The following CTNNA2 variants were observed in gnomAD, a reference collection of about 807,000 sequenced individuals.
The protein encoded by CTNNA2 is catenin alpha-2.
CTNNA2 carries 42 observed loss-of-function variants against 101.0 expected under a neutral mutation model. That is an observed-to-expected ratio of 0.42 (90% CI 0.32 to 0.54). The LOEUF is 0.54. Ranked by LOEUF, CTNNA2 falls within the 20% of genes least tolerant of loss-of-function variation. The pLI is 0.14. For missense variants in CTNNA2, 871 were observed against 1,223.1 expected, an observed-to-expected ratio of 0.71 and a Z score of 4.29; for synonymous variants, 450 against 456.4, an observed-to-expected ratio of 0.99 and a Z score of 0.18.
intron 2 of CTNNA2, among the ~76,000 whole-genome samples, chr2:79,246,331 G>T (rs957541586): frequency 3.9e-5 from 6 of 152,094 alleles, no homozygotes; most frequent in Non-Finnish European, 8.8e-5. Flanking sequence ...GCTACAAAAT[G>T]GTTTTTTATC....
At chr2:79,415,922 A>G (rs1678474522) in intron 4 of CTNNA2, among the ~76,000 whole-genome samples, 1 of 152,138 alleles carries the variant, frequency 6.6e-6, no homozygotes, top group South Asian at 2.1e-4. Context: ...ATATTGAGAT[A>G]TGACTTGCTT....
chr2:80,409,373 C>T (rs1265346479), intron 8 of CTNNA2, among the ~76,000 whole-genome samples: 5 of 152,066 alleles, frequency 3.3e-5, no homozygotes, highest in Admixed American at 3.3e-4. Flanking sequence ...TTTAGGCCAG[C>T]CTCCAATACA....
intron 2 of CTNNA2, among the ~76,000 whole-genome samples, chr2:79,695,129 T>TA (rs1684577763): frequency 6.6e-6 from 1 of 151,818 alleles, no homozygotes; most frequent in Middle Eastern, 3.4e-3. Flanking sequence ...TTTAGAATTT[T>TA]AAAAAACTGC....
intron 3 of CTNNA2, among the ~76,000 whole-genome samples, chr2:79,794,253 A>C (rs1209999875): frequency 6.6e-6 from 1 of 152,238 alleles, no homozygotes; most frequent in African/African-American, 2.4e-5. Context: ...ATGGTATTTC[A>C]TCATGGCTTT....
chr2:79,508,880 A>G (rs940440858), upstream of CTNNA2, among the ~76,000 whole-genome samples: 12 of 150,152 alleles, frequency 8.0e-5, no homozygotes, highest in Non-Finnish European at 1.6e-4. Context: ...AGCAAAAGAT[A>G]AAACAATTAC....
chr2:80,483,050 T>G (rs1157327518), intron 9 of CTNNA2, among the ~76,000 whole-genome samples: 1 of 152,162 alleles, frequency 6.6e-6, no homozygotes, highest in Non-Finnish European at 1.5e-5. Context: ...CTATCTCATT[T>G]TGGCTCACTG....
intron 4 of CTNNA2, among the ~76,000 whole-genome samples, chr2:79,428,083 A>G (rs1363702638): frequency 6.6e-6 from 1 of 152,040 alleles, no homozygotes; most frequent in African/African-American, 2.4e-5. Flanking sequence ...TTTTTATAAT[A>G]TATAAGGTTT....
intron 15 of CTNNA2, among the ~76,000 whole-genome samples, chr2:80,590,708 GT>G (rs919505421): frequency 6.6e-6 from 1 of 151,778 alleles, no homozygotes; most frequent in Admixed American, 6.6e-5. Flanking sequence ...TTTTAAAATT[GT>G]TTTTTTTACT....
chr2:80,449,953 G>A (rs774385175), intron 9 of CTNNA2, among the ~76,000 whole-genome samples: 3 of 152,178 alleles, frequency 2.0e-5, no homozygotes, highest in Non-Finnish European at 2.9e-5. Flanking sequence ...GTGAAATAAC[G>A]TGATTGTGGT....
intron 3 of CTNNA2, among the ~76,000 whole-genome samples, chr2:79,833,673 G>A (rs1050731403): frequency 3.9e-5 from 6 of 152,108 alleles, no homozygotes; most frequent in African/African-American, 9.7e-5. Flanking sequence ...ATATCATCAT[G>A]TTATTGCCAA....
intron 3 of CTNNA2, among the ~76,000 whole-genome samples, chr2:79,360,291 GTGGGTC>G (rs1183821198): frequency 6.6e-6 from 1 of 152,178 alleles, no homozygotes; most frequent in African/African-American, 2.4e-5. Flanking sequence ...TGATCAAGAA[GTGGGTC>G]TGGAAAGATG....
At chr2:79,774,950 G>A (rs777317060) in intron 3 of CTNNA2, among the ~76,000 whole-genome samples, 2 of 152,100 alleles carry the variant, frequency 1.3e-5, no homozygotes, top group African/African-American at 2.4e-5. Flanking sequence ...AGTAACATTA[G>A]GGGTCATTTT....
intron 4 of CTNNA2, among the ~76,000 whole-genome samples, chr2:79,385,697 C>T (rs1412448653): frequency 2.0e-5 from 3 of 151,948 alleles, no homozygotes; most frequent in East Asian, 3.9e-4. Context: ...CACCACCCCC[C>T]AACAGGCCCG....
intron 7 of CTNNA2, among the ~76,000 whole-genome samples, chr2:79,948,213 C>T (rs7568170): frequency 0.013 from 2,055 of 152,342 alleles, 53 homozygotes; most frequent in African/African-American, 0.048. Flanking sequence ...GCATTGCATT[C>T]ATCTTCCCTA....
At chr2:80,553,588 AT>A (rs1218687221) in intron 11 of CTNNA2, among the ~76,000 whole-genome samples, 1 of 152,188 alleles carries the variant, frequency 6.6e-6, no homozygotes, top group South Asian at 2.1e-4. Context: ...ACGTCTCACT[AT>A]TTTTTTCTCA....
chr2:79,455,649 T>C (rs1670813792), intron 4 of CTNNA2, among the ~76,000 whole-genome samples: 1 of 152,222 alleles, frequency 6.6e-6, no homozygotes. Flanking sequence ...TAGAACTAGG[T>C]TCCTGCCAGG....
intron 2 of CTNNA2, among the ~76,000 whole-genome samples, chr2:79,700,378 A>C (rs1684923507): frequency 6.6e-6 from 1 of 152,072 alleles, no homozygotes; most frequent in African/African-American, 2.4e-5. Flanking sequence ...CTACAGCTCA[A>C]GAGAGAGAGA....
At chr2:80,438,619 T>G (rs1001277557) in intron 9 of CTNNA2, among the ~76,000 whole-genome samples, 3 of 152,190 alleles carry the variant, frequency 2.0e-5, no homozygotes, top group Non-Finnish European at 4.4e-5. Flanking sequence ...TTTAAAAATA[T>G]CTTCAAACTT....
chr2:80,394,104 G>A (rs1203629088), intron 8 of CTNNA2, among the ~76,000 whole-genome samples: 1 of 152,150 alleles, frequency 6.6e-6, no homozygotes, highest in East Asian at 1.9e-4. Flanking sequence ...ACTAATTGTT[G>A]ACTGTGACAG....
Sources: allele counts gnomAD v4.1 joint callset (sites outside exome capture counted in the v4.1 genomes callset), GRCh38; gene constraint gnomAD v4.1.1; transcripts MANE v1.5; gene names NCBI Gene and HGNC (gene_info 2026-07-23, HGNC 2026-07-21).